The following NAA15 variants were observed in gnomAD, a reference collection of about 807,000 sequenced individuals.
NAA15 encodes the protein N-terminal acetyltransferase.
In NAA15, 34 loss-of-function variants were observed where a neutral mutation model predicts 114.0. That is an observed-to-expected ratio of 0.30 (90% CI 0.23 to 0.40). NAA15 has a LOEUF of 0.40. Ranked by LOEUF, NAA15 falls within the 10% of genes least tolerant of loss-of-function variation. The pLI, the probability that NAA15 is intolerant of heterozygous loss-of-function variation, is 1.00. For missense variants in NAA15, 658 were observed against 1,004.5 expected, an observed-to-expected ratio of 0.66 and a Z score of 4.66; for synonymous variants, 340 against 338.0, an observed-to-expected ratio of 1.01 and a Z score of -0.06.
intron 5 of NAA15, among the ~76,000 whole-genome samples, chr4:139,343,427 G>C (rs1747479044): frequency 6.6e-6 from 1 of 152,140 alleles, no homozygotes; most frequent in African/African-American, 2.4e-5. Context: ...TTCATTGCAG[G>C]ATCCAATTAA....
intron 11 of NAA15, among the ~76,000 whole-genome samples, chr4:139,358,745 T>A (rs780724360): frequency 6.6e-6 from 1 of 152,194 alleles, no homozygotes; most frequent in South Asian, 2.1e-4. Context: ...ATGGTCCTAA[T>A]CAGTAATGTT....
intron 17 of NAA15, among the ~76,000 whole-genome samples, chr4:139,381,823 AAGCTAAT>A (rs1414902789): frequency 6.6e-6 from 1 of 152,178 alleles, no homozygotes; most frequent in African/African-American, 2.4e-5. Context: ...TTCTGTTAAT[AAGCTAAT>A]AGCATGAACC....
At chr4:139,320,559 C>T (rs984161363) in intron 1 of NAA15, among the ~76,000 whole-genome samples, 1 of 152,118 alleles carries the variant, frequency 6.6e-6, no homozygotes, top group Non-Finnish European at 1.5e-5. Context: ...CTCACTCTGT[C>T]GTCCAGGCTG....
rs913420232 is a variant in NAA15 at position 139,360,484 on chromosome 4, T to C, written c.1411-16T>C. 8 of 1,512,850 alleles carry C rather than the reference T, an allele frequency of 5.3e-6. No homozygotes were observed. The highest frequency in any genetic ancestry group is 2.9e-5 in the African/African-American group (2 of 70,104). 93.7% of individuals were successfully genotyped at this position (1,512,850 alleles called of 1,614,324 possible). On this transcript the variant is annotated splice_polypyrimidine_tract_variant and intron_variant, in intron 12 of 19. Transcript: ENST00000296543. ...ATGATAAAAAGTGATCTTGAAAATA[T>C]TTGATTTCTGTATAGGAAGGAACAT...
chr4:139,310,192 C>T (rs532974574), intron 1 of NAA15, among the ~76,000 whole-genome samples: 7 of 152,262 alleles, frequency 4.6e-5, no homozygotes, highest in Non-Finnish European at 7.4e-5. Flanking sequence ...CGGTGGCTCA[C>T]GCCTGTAATC....
intron 1 of NAA15, chr4:139,318,265 TACTA>T (rs1469054929): frequency 1.3e-5 from 2 of 152,168 alleles, no homozygotes; most frequent in East Asian, 3.8e-4. Context: ...GTGTGTGAAA[TACTA>T]ACGCCAAAAT....
intron 1 of NAA15, among the ~76,000 whole-genome samples, chr4:139,321,576 A>G (rs764605856): frequency 5.6e-5 from 8 of 141,596 alleles, no homozygotes; most frequent in Non-Finnish European, 1.1e-4. Flanking sequence ...GATTCATGCC[A>G]TTCTCCTGCC....
intron 1 of NAA15, among the ~76,000 whole-genome samples, chr4:139,313,860 T>C: frequency 6.6e-6 from 1 of 151,818 alleles, no homozygotes; most frequent in African/African-American, 2.4e-5. Flanking sequence ...TTCTAAATGC[T>C]TTATATACAG....
rs770420396 is a variant in NAA15, at chr4:139,315,051, GTTAGT to G, written c.54+13243_54+13247del. 2.0e-3 allele frequency among the ~76,000 whole-genome samples: 221 copies of G among 112,450 alleles called. 12 individuals are homozygous for G. Among genetic ancestry groups the G allele is most frequent in the Admixed American group, 0.014 (168 of 11,660 alleles). 73.8% of individuals were successfully genotyped at this position (112,450 alleles called of 152,430 possible). On this transcript the variant is annotated intron_variant, in intron 1 of 19. Transcript: ENST00000296543. The stretch of plus-strand genomic sequence containing the variant: ...GTTAGGTTAGGTTAGGTTAGGTTAG[GTTAGT>G]TTAGTTTAGTTTAGTTTAGTTTTTG...
intron 1 of NAA15, among the ~76,000 whole-genome samples, chr4:139,309,146 G>A (rs1746129281): frequency 1.3e-5 from 2 of 151,156 alleles, no homozygotes; most frequent in South Asian, 4.2e-4. Flanking sequence ...TCAGGAGTTA[G>A]AGACCAGCCT....
intron 2 of NAA15, among the ~76,000 whole-genome samples, chr4:139,336,219 C>T (rs981123822): frequency 1.3e-5 from 2 of 152,110 alleles, no homozygotes; most frequent in Admixed American, 6.6e-5. Flanking sequence ...TTTTCACTTC[C>T]TTTAGGCTTC....
chr4:139,361,324 C>G (rs1182486280), intron 13 of NAA15, among the ~76,000 whole-genome samples: 1 of 152,048 alleles, frequency 6.6e-6, no homozygotes, highest in Non-Finnish European at 1.5e-5. Flanking sequence ...AAAAAATTAT[C>G]AAATACATCT....
intron 1 of NAA15, among the ~76,000 whole-genome samples, chr4:139,306,133 G>A (rs1323715054): frequency 6.6e-6 from 1 of 152,078 alleles, no homozygotes; most frequent in Non-Finnish European, 1.5e-5. Context: ...TCTGACTAAA[G>A]CATTGTCCTA....
At chr4:139,378,660 A>T in intron 16 of NAA15, 96 bp from the exon 17 acceptor site, 1 of 627,482 alleles carries the variant, frequency 1.6e-6, no homozygotes, top group East Asian at 3.2e-5. Flanking sequence ...GATGTGATCG[A>T]CTCTAAATTT....
chr4:139,318,735 T>A (rs905584849), intron 1 of NAA15, among the ~76,000 whole-genome samples: 3 of 151,844 alleles, frequency 2.0e-5, no homozygotes, highest in African/African-American at 7.3e-5. Context: ...GTGCCTGTAA[T>A]CCCAGCTACT....
At chr4:139,349,325 G>A (rs1205493230) in intron 6 of NAA15, 137 bp from the exon 7 acceptor site, 6 of 677,840 alleles carry the variant, frequency 8.9e-6, no homozygotes, top group Middle Eastern at 4.2e-4. Context: ...GATCTTAAGG[G>A]AACTGGAACC....
intron 1 of NAA15, among the ~76,000 whole-genome samples, chr4:139,308,194 C>A (rs1282966309): frequency 1.3e-5 from 2 of 152,226 alleles, no homozygotes; most frequent in Admixed American, 1.3e-4. Flanking sequence ...ATCTCCTGAC[C>A]TCCTGATCTG....
chr4:139,349,158 G>C (rs1000277883), intron 6 of NAA15, among the ~76,000 whole-genome samples: 1 of 152,176 alleles, frequency 6.6e-6, no homozygotes, highest in African/African-American at 2.4e-5. Flanking sequence ...TAATTGAGGA[G>C]TAGAAGATGG....
At chr4:139,301,872 C>T (rs1217237702) in intron 1 of NAA15, 41 bp downstream of exon 1, 7 of 1,557,264 alleles carry the variant, frequency 4.5e-6, no homozygotes, top group African/African-American at 4.1e-5. Context: ...GAGGATTTAG[C>T]CGGTAACCGG....
Sources: allele counts gnomAD v4.1 joint callset (sites outside exome capture counted in the v4.1 genomes callset), GRCh38; gene constraint gnomAD v4.1.1; transcripts MANE v1.5; gene names NCBI Gene and HGNC (gene_info 2026-07-23, HGNC 2026-07-21).